NCR3: variants seen among roughly 807,000 people sequenced by gnomAD.
The protein encoded by NCR3 is natural cytotoxicity triggering receptor 3, also known as NK-p30.
A neutral mutation model predicts 16.1 loss-of-function variants in NCR3; 13 were observed. The ratio of observed to expected loss-of-function variants is 0.81; its 90% CI spans 0.53 to 1.28. The LOEUF (loss-of-function observed/expected upper bound fraction) is 1.28. Ranked by LOEUF, NCR3 falls within the 50% of genes most tolerant of loss-of-function variation. The pLI is 0.00. For synonymous variants in NCR3, 98 were observed against 106.6 expected (o/e 0.92, Z 0.50); for missense variants, 202 against 256.8 (o/e 0.79, Z 1.46).
Position 31,589,547 on chromosome 6 carries a change from T to C in NCR3, c.475A>G (p.Thr159Ala), listed in dbSNP as rs1287520130. The C allele has an allele frequency of 6.2e-7, 1 of 1,613,960 alleles. No homozygotes were observed. Residue 159 changes from threonine to alanine, a missense_variant, in exon 3 of 4, where the codon ACC becomes GCC. Transcript: ENST00000340027. This position sits in a 1 kb window ranked among gnomAD's most constrained non-coding sequence, Gnocchi z 4.8. ...VSFLSVAVGS[T>A]VYYQGKCLTW... ...TCACATTTGCCCTGGTAATAGACGG[T>C]GCTGCCCACGGCCACAGAGAGAAAG... is the stretch of plus-strand genomic sequence containing the variant.
At position 31,592,760 on chromosome 6, in the gene NCR3, G is replaced by A. The variant is rs1224468730; in HGVS notation, c.-39C>T. 6.2e-7 allele frequency: 1 copy of A among 1,611,878 alleles called. No homozygotes were observed. On this transcript the variant is annotated 5_prime_UTR_variant, in exon 1 of 4. Transcript: ENST00000340027. ...CCAGTTGGCGAAGGGGATCTGAGCAGTGAGGTCTGGGTGGAGGAGGAAGGA... is the reference window on the plus strand; with the variant it reads ...CCAGTTGGCGAAGGGGATCTGAGCAATGAGGTCTGGGTGGAGGAGGAAGGA...
rs768730036 is a variant in NCR3 at position 31,589,659 on chromosome 6, T to C, written c.389-26A>G. 1 of 1,611,870 alleles carries C rather than the reference T, an allele frequency of 6.2e-7. No homozygotes were observed. The highest frequency in any genetic ancestry group is 8.5e-7 in the Non-Finnish European group (1 of 1,179,362). ...CTGCATGGGGCAATGGAGACGGGGG[T>C]TGGGGAAGAAGTGCACACAGGCTCA... On this transcript the variant is annotated intron_variant, in intron 2 of 3. Transcript: ENST00000340027. This position sits in a 1 kb window ranked among gnomAD's most constrained non-coding sequence, Gnocchi z 4.8.
In NCR3 at chr6:31,590,109, C is replaced by A. The variant is rs1276054654; in HGVS notation, c.61G>T (p.Val21Leu). The change falls in exon 2 of 4, where the codon GTG (valine) becomes TTG (leucine). Residue 21 changes from valine (V) to leucine (L), a missense_variant. By Grantham distance (32) the Val-to-Leu change is conservative. Transcript: ENST00000340027. ...MVHPGSCALW[V>L]SQPPEIRTLE... is the part of the protein sequence containing the mutation. ...GTACGAATCTCAGGGGGCTGGGACA[C>A]CCAGAGAGCACAGGATCCTGGGGGC... 6.2e-7 allele frequency: 1 copy of A among 1,611,302 alleles called. No individual in the cohort carries two copies. Among genetic ancestry groups the A allele is most frequent in the African/African-American group, 1.3e-5 (1 of 74,880 alleles).
Position 31,589,879 on chromosome 6 carries a change from G to T in NCR3, c.291C>A (p.Asp97Glu). ...HDHQAELHIR[D>E]VRGHDASIYV... ...AGATGCTGGCGTCATGGCCTCGCAC[G>T]TCCCGGATGTGCAGCTCAGCCTGGT... The change falls in exon 2 of 4, where the codon GAC (aspartate) becomes GAA (glutamate). Residue 97 changes from aspartate (D) to glutamate (E), a missense_variant. Physicochemically the swap from Asp to Glu is conservative, Grantham distance 45. Transcript: ENST00000340027. This position sits in a 1 kb window ranked among gnomAD's most constrained non-coding sequence, Gnocchi z 4.8. The T allele has an allele frequency of 1.2e-6, 2 of 1,613,192 alleles. No homozygotes were observed. The highest frequency in any genetic ancestry group is 1.7e-6 in the Non-Finnish European group (2 of 1,180,046).
intron 1 of NCR3, among the ~76,000 whole-genome samples, chr6:31,591,659 T>C (rs561368011): frequency 2.6e-5 from 4 of 151,772 alleles, no homozygotes; most frequent in Non-Finnish European, 5.9e-5. Context: ...CTACTAAAAA[T>C]ACACAAGTTA....
rs1041567619 is a variant in NCR3, at chr6:31,589,218, A to G, written c.497-42T>C. ...TTCAGAGTTGGGGGAATCCGGAGAG[A>G]GTAGATTTGGCATCTGGAGAATGGA... On this transcript the variant is annotated intron_variant, in intron 3 of 3. Coordinates refer to ENST00000340027, the MANE Select transcript of NCR3 (RefSeq NM_147130.3). The surrounding 1 kb of genome is among the most constrained non-coding windows in gnomAD (Gnocchi z 4.8). 6 of 1,599,470 alleles carry G rather than the reference A, an allele frequency of 3.8e-6. No homozygotes were observed. In the Middle Eastern group the frequency reaches 6.6e-4, roughly 176 times the overall value.
rs369459787 is a variant in NCR3 at position 31,589,036 on chromosome 6, T to G, written c.*31A>C. The G allele has an allele frequency of 6.5e-7, 1 of 1,543,412 alleles. No homozygotes were observed. Among genetic ancestry groups the G allele is most frequent in the African/African-American group, 1.4e-5 (1 of 72,582 alleles). Reference sequence around the variant, plus strand: ...GCAGTTGCCAAGGAGGAGTCATATCTGATCCTTCCCATTTCTCAGGACAAT... The same window carrying G: ...GCAGTTGCCAAGGAGGAGTCATATCGGATCCTTCCCATTTCTCAGGACAAT... On this transcript the variant is annotated 3_prime_UTR_variant, in exon 4 of 4. Coordinates refer to ENST00000340027, the MANE Select transcript of NCR3 (RefSeq NM_147130.3). The surrounding 1 kb of genome is among the most constrained non-coding windows in gnomAD (Gnocchi z 4.8).
rs756013104 is a variant in NCR3, at chr6:31,590,024, GCCAGTCT to G, written c.139_145del (p.Arg47ProfsTer18). 3 of 1,612,946 alleles carry G rather than the reference GCCAGTCT, an allele frequency of 1.9e-6. No individual in the cohort carries two copies. In the African/African-American group the frequency reaches 4.0e-5, roughly 22 times the overall value. On this transcript the variant is annotated frameshift_variant, in exon 2 of 4. Transcript: ENST00000340027. LOFTEE classifies it high-confidence loss of function. ...TCGGAACCACGTGACGGAGCCAATG[GCCAGTCT>G]CCCTTGGCTGGCATTGAAGGAGCAG... is the stretch of plus-strand genomic sequence containing the variant.
At chr6:31,592,271 G>C (rs1365691219) in intron 1 of NCR3, among the ~76,000 whole-genome samples, 1 of 151,254 alleles carries the variant, frequency 6.6e-6, no homozygotes, top group Non-Finnish European at 1.5e-5. Flanking sequence ...AAATTAGCCA[G>C]GTGTGGTCGT....
In NCR3 at chr6:31,589,595, G is replaced by A. The variant is rs575110928; in HGVS notation, c.427C>T (p.Arg143Trp). Reference protein sequence around the residue: ...QLGAGTVLLLRAGFYAVSFLS... With the variant: ...QLGAGTVLLLWAGFYAVSFLS... Reference sequence around the variant, plus strand: ...AAGCTGACAGCATAGAATCCAGCCCGAAGGAGGAGGACTGTACCAGCCCCT... The same window carrying A: ...AAGCTGACAGCATAGAATCCAGCCCAAAGGAGGAGGACTGTACCAGCCCCT... Residue 143 changes from arginine to tryptophan, a missense_variant, in exon 3 of 4, where the codon CGG (arginine) becomes TGG (tryptophan). Physicochemically the swap from Arg to Trp is moderately radical, Grantham distance 101. Transcript: ENST00000340027. The surrounding 1 kb of genome is among the most constrained non-coding windows in gnomAD (Gnocchi z 4.8). 40 of 1,613,750 alleles carry A rather than the reference G, an allele frequency of 2.5e-5. No individual in the cohort carries two copies. Among genetic ancestry groups the A allele is most frequent in the East Asian group, 8.9e-5 (4 of 44,894 alleles).
chr6:31,591,023 C>T (rs185539937), intron 1 of NCR3, among the ~76,000 whole-genome samples: 3 of 152,024 alleles, frequency 2.0e-5, no homozygotes, highest in Admixed American at 6.6e-5. Flanking sequence ...TATTTTCAGT[C>T]GAGACAGGGT....
rs774983202 is a variant in NCR3 at position 31,589,146 on chromosome 6, A to G, written c.527T>C (p.Leu176Pro). Residue 176 changes from leucine to proline, a missense_variant, in exon 4 of 4, where the codon CTG becomes CCG. Leu to Pro is a moderately conservative substitution (Grantham distance 98, BLOSUM62 -3). Coordinates refer to ENST00000340027, the MANE Select transcript of NCR3 (RefSeq NM_147130.3). The surrounding 1 kb of genome is among the most constrained non-coding windows in gnomAD (Gnocchi z 4.8). Reference sequence around the variant, plus strand: ...GAGGGGCGCTGGGACCACAGCCGGCAGCTGCCTTCTTGGACCTTTCCAGGT... The same window carrying G: ...GAGGGGCGCTGGGACCACAGCCGGCGGCTGCCTTCTTGGACCTTTCCAGGT... The part of the protein sequence containing the change: ...CLTWKGPRRQ[L>P]PAVVPAPLPP... 1.2e-6 allele frequency: 2 copies of G among 1,614,014 alleles called. No individual in the cohort carries two copies. Among genetic ancestry groups the G allele is most frequent in the Non-Finnish European group, 1.7e-6 (2 of 1,179,930 alleles).
rs1562509692 is a variant in NCR3, at chr6:31,592,809, T to C, written c.-88A>G. The C allele has an allele frequency of 3.4e-6, 5 of 1,459,884 alleles. No individual in the cohort carries two copies. The highest frequency in any genetic ancestry group is 4.8e-6 in the Non-Finnish European group (5 of 1,046,844). The allele number at this position is 1,459,884 out of a possible 1,614,324, so 90.4% of individuals were successfully genotyped here. A position where few individuals can be genotyped will look rare whatever the true frequency, so the allele number is the denominator to read the frequency against. On this transcript the variant is annotated 5_prime_UTR_variant, in exon 1 of 4. Transcript: ENST00000340027. ...GACTCACTACTTGTAGCCAGGCCTT[T>C]GGTCACCAGATGGGGATGGGGAGCT...
chr6:31,589,044 C>T lies in NCR3; in HGVS notation c.*23G>A. ...CAAGGAGGAGTCATATCTGATCCTTCCCATTTCTCAGGACAATCAGGCTCA... is the reference window on the plus strand; with the variant it reads ...CAAGGAGGAGTCATATCTGATCCTTTCCATTTCTCAGGACAATCAGGCTCA... On this transcript the variant is annotated 3_prime_UTR_variant, in exon 4 of 4. Transcript: ENST00000340027. This position sits in a 1 kb window ranked among gnomAD's most constrained non-coding sequence, Gnocchi z 4.8. 6.5e-7 allele frequency: 1 copy of T among 1,549,126 alleles called. No homozygotes were observed.
At position 31,589,242 on chromosome 6, in the gene NCR3, G is replaced by C. The variant is rs1772388569; in HGVS notation, c.497-66C>G. 6.4e-7 allele frequency: 1 copy of C among 1,574,336 alleles called. No homozygotes were observed. The highest frequency in any genetic ancestry group is 1.9e-5 in the Admixed American group (1 of 53,004). On this transcript the variant is annotated intron_variant, in intron 3 of 3. Transcript: ENST00000340027. This position sits in a 1 kb window ranked among gnomAD's most constrained non-coding sequence, Gnocchi z 4.8. ...GAGTAGATTTGGCATCTGGAGAATG[G>C]AGAAGAAAACACTTGAGACTCATGA... is the stretch of plus-strand genomic sequence containing the variant.
Position 31,589,575 on chromosome 6 carries a change from G to A in NCR3, c.447C>T (p.Val149=), listed in dbSNP as rs1163205398. The A allele has an allele frequency of 1.9e-6, 3 of 1,614,080 alleles. No homozygotes were observed. The highest frequency in any genetic ancestry group is 1.1e-5 in the South Asian group (1 of 91,078). The part of the protein sequence containing the change: ...VLLLRAGFYA[V]SFLSVAVGST... ...TGCCCACGGCCACAGAGAGAAAGCT[G>A]ACAGCATAGAATCCAGCCCGAAGGA... The change falls in exon 3 of 4, where the codon GTC becomes GTT. Residue 149 remains valine (V), a synonymous_variant. Coordinates refer to ENST00000340027, the MANE Select transcript of NCR3 (RefSeq NM_147130.3). This position sits in a 1 kb window ranked among gnomAD's most constrained non-coding sequence, Gnocchi z 4.8.
At position 31,589,842 on chromosome 6, in the gene NCR3, C is replaced by CT. The variant is rs1341552518; in HGVS notation, c.327dup (p.Val110SerfsTer106). On this transcript the variant is annotated frameshift_variant, in exon 2 of 4. Coordinates refer to ENST00000340027, the MANE Select transcript of NCR3 (RefSeq NM_147130.3). LOFTEE classifies it high-confidence loss of function. This position sits in a 1 kb window ranked among gnomAD's most constrained non-coding sequence, Gnocchi z 4.8. ...CCGACACCAAGGCCCAGCACCTCCA[C>CT]TCTGCACACGTAGATGCTGGCGTCA... 1 of 1,613,308 alleles carries CT rather than the reference C, an allele frequency of 6.2e-7. No individual in the cohort carries two copies. The highest frequency in any genetic ancestry group is 1.7e-5 in the Admixed American group (1 of 60,024).
chr6:31,590,152 A>G, intron 1 of NCR3, 26 bp from the exon 2 acceptor site: 1 of 1,568,432 alleles, frequency 6.4e-7, no homozygotes, highest in Admixed American at 1.9e-5. Context: ...AGACCCAGAG[A>G]AACACCTCCC....
Position 31,589,382 on chromosome 6 carries a change from C to G in NCR3, c.496+144G>C. On this transcript the variant is annotated intron_variant, in intron 3 of 3. Transcript: ENST00000340027. The surrounding 1 kb of genome is among the most constrained non-coding windows in gnomAD (Gnocchi z 4.8). Reference sequence around the variant, plus strand: ...GGAGTGGCAGTGTGTTCCCATGTGACAGTGGCCTGGTCAGAGAGAGGACAG... The same window carrying G: ...GGAGTGGCAGTGTGTTCCCATGTGAGAGTGGCCTGGTCAGAGAGAGGACAG... 6.4e-7 allele frequency: 1 copy of G among 1,552,634 alleles called. No homozygotes were observed. Among genetic ancestry groups the G allele is most frequent in the Non-Finnish European group, 8.7e-7 (1 of 1,147,298 alleles).
Sources: allele counts gnomAD v4.1 joint callset (sites outside exome capture counted in the v4.1 genomes callset), GRCh38; gene constraint gnomAD v4.1.1; non-coding constraint Gnocchi (gnomAD v3.1); transcripts MANE v1.5; gene names NCBI Gene and HGNC (gene_info 2026-07-23, HGNC 2026-07-21).